The following CAMKMT variants were observed in gnomAD, a reference collection of about 807,000 sequenced individuals.
The protein encoded by CAMKMT is calmodulin-lysine N-methyltransferase.
In CAMKMT, 53 loss-of-function variants were observed where a neutral mutation model predicts 48.0. The observed-to-expected ratio is 1.10, with a 90% CI of 0.89 to 1.39. The LOEUF (loss-of-function observed/expected upper bound fraction) is 1.39. CAMKMT is among the 40% of genes most tolerant of loss of function. The probability of loss-of-function intolerance (pLI) is 0.00; values close to 1 mark genes in which losing one functional copy is unlikely to be tolerated. For missense variants in CAMKMT, 428 were observed against 402.7 expected (o/e 1.06, Z -0.54); for synonymous variants, 165 against 152.3 (o/e 1.08, Z -0.61).
At chr2:44,418,834 AT>A (rs1355867729) in intron 3 of CAMKMT, among the ~76,000 whole-genome samples, 2 of 152,210 alleles carry the variant, frequency 1.3e-5, no homozygotes, top group Admixed American at 6.5e-5. Flanking sequence ...TTTGGGGAGA[AT>A]TGACATTTTA....
chr2:44,477,907 C>T (rs1261360804), intron 3 of CAMKMT, among the ~76,000 whole-genome samples: 1 of 152,196 alleles, frequency 6.6e-6, no homozygotes, highest in African/African-American at 2.4e-5. Context: ...AAAGCTACTT[C>T]ACACAAAGGG....
At chr2:44,664,559 A>G (rs72794003) in intron 3 of CAMKMT, among the ~76,000 whole-genome samples, 21,279 of 152,280 alleles carry the variant, frequency 0.14, 1,741 homozygotes, top group Admixed American at 0.21. Flanking sequence ...GACATTTACT[A>G]GCACTTTCTG....
chr2:44,745,482 C>T (rs1679878675), intron 8 of CAMKMT, among the ~76,000 whole-genome samples: 1 of 152,174 alleles, frequency 6.6e-6, no homozygotes, highest in Non-Finnish European at 1.5e-5. Flanking sequence ...ATACATAATG[C>T]ATATTCAATT....
intron 3 of CAMKMT, among the ~76,000 whole-genome samples, chr2:44,537,964 A>G (rs1666873053): frequency 6.6e-6 from 1 of 152,226 alleles, no homozygotes; most frequent in Admixed American, 6.5e-5. Flanking sequence ...TATCTACCCA[A>G]CGGAAAAGAA....
chr2:44,456,506 A>T, intron 3 of CAMKMT: 1 of 1,533,130 alleles, frequency 6.5e-7, no homozygotes, highest in Non-Finnish European at 8.8e-7. Context: ...AGACCTTGGA[A>T]TGAAAAGCTT....
intron 6 of CAMKMT, among the ~76,000 whole-genome samples, chr2:44,708,628 T>C (rs556179870): frequency 3.5e-4 from 53 of 152,276 alleles, no homozygotes; most frequent in Non-Finnish European, 6.3e-4. Flanking sequence ...AATCACGTTC[T>C]TGAGACTGTC....
At chr2:44,421,042 G>A (rs1683904968) in intron 3 of CAMKMT, among the ~76,000 whole-genome samples, 1 of 152,006 alleles carries the variant, frequency 6.6e-6, no homozygotes, top group Non-Finnish European at 1.5e-5. Context: ...ATTTGTTAGG[G>A]TAGCAATGGT....
chr2:44,594,266 C>G (rs1221361112), intron 3 of CAMKMT, among the ~76,000 whole-genome samples: 1 of 152,138 alleles, frequency 6.6e-6, no homozygotes, highest in African/African-American at 2.4e-5. Context: ...AATGCTATCC[C>G]CATCAAGCTA....
Position 44,679,547 on chromosome 2 carries a change from G to A in CAMKMT, c.377-24736G>A, listed in dbSNP as rs1285791624. 2.0e-5 allele frequency among the ~76,000 whole-genome samples: 3 copies of A among 152,218 alleles called. No homozygotes were observed. In the South Asian group the frequency reaches 6.2e-4, roughly 32 times the overall value. On this transcript the variant is annotated intron_variant, in intron 3 of 10. Transcript: ENST00000378494. ...ACGAGGGGAAAGAAATGCCATTAAT[G>A]TTATACCCTTGGCACGGAAGTTCCT...
chr2:44,515,965 G>A (rs982583587), intron 3 of CAMKMT, among the ~76,000 whole-genome samples: 29 of 152,260 alleles, frequency 1.9e-4, no homozygotes, highest in African/African-American at 5.5e-4. Flanking sequence ...TGAGAGTCAC[G>A]GAGAAGCAAT....
chr2:44,666,612 C>CTTTTTTTTTTTTTTT lies in CAMKMT; in HGVS notation c.377-37668_377-37654dup, dbSNP rs1293884982. ...TTGATCTCCTTTTGGCTCCTGGAAT[C>CTTTTTTTTTTTTTTT]TTTTTTTTTTTTTTTTTGAGACAGA... On this transcript the variant is annotated intron_variant, in intron 3 of 10. Coordinates refer to ENST00000378494, the MANE Select transcript of CAMKMT (RefSeq NM_024766.5). Among the ~76,000 whole-genome samples, 373 of 133,890 alleles carry CTTTTTTTTTTTTTTT rather than the reference C, an allele frequency of 2.8e-3. 19 individuals are homozygous for CTTTTTTTTTTTTTTT. The highest frequency in any genetic ancestry group is 0.01 in the African/African-American group (351 of 34,070). The allele number at this position is 133,890 out of a possible 152,430, so 87.8% of individuals were successfully genotyped here. A position where few individuals can be genotyped will look rare whatever the true frequency, so the allele number is the denominator to read the frequency against.
intron 3 of CAMKMT, among the ~76,000 whole-genome samples, chr2:44,397,058 C>CAAAA (rs59188592): frequency 8.3e-6 from 1 of 120,430 alleles, no homozygotes; most frequent in Non-Finnish European, 1.7e-5. Flanking sequence ...GACTCCATCT[C>CAAAA]AAAAAAAAAA....
chr2:44,580,519 CT>C (rs1390772030), intron 3 of CAMKMT, among the ~76,000 whole-genome samples: 1 of 152,078 alleles, frequency 6.6e-6, no homozygotes, highest in African/African-American at 2.4e-5. Context: ...TATTGCATGA[CT>C]TTTGTAAGAT....
chr2:44,697,908 A>G (rs971326149), intron 3 of CAMKMT, among the ~76,000 whole-genome samples: 1 of 152,184 alleles, frequency 6.6e-6, no homozygotes, highest in African/African-American at 2.4e-5. Context: ...AGTTAGCTAA[A>G]AGAGTTGAAA....
chr2:44,532,657 T>C (rs1666550016), intron 3 of CAMKMT, among the ~76,000 whole-genome samples: 1 of 152,122 alleles, frequency 6.6e-6, no homozygotes, highest in Admixed American at 6.5e-5. Context: ...AGGGGGCAAA[T>C]TTATTTTTAT....
chr2:44,661,236 A>G (rs989132007), intron 3 of CAMKMT, among the ~76,000 whole-genome samples: 1 of 152,160 alleles, frequency 6.6e-6, no homozygotes. Flanking sequence ...GTTAGTACAG[A>G]AGAATAACAC....
intron 3 of CAMKMT, among the ~76,000 whole-genome samples, chr2:44,541,991 G>A (rs1237933270): frequency 6.6e-6 from 1 of 151,930 alleles, no homozygotes; most frequent in African/African-American, 2.4e-5. Context: ...AACCGGGCAT[G>A]GTGGCACGCG....
At chr2:44,366,914 G>A (rs982652375) in intron 1 of CAMKMT, among the ~76,000 whole-genome samples, 1 of 151,998 alleles carries the variant, frequency 6.6e-6, no homozygotes, top group Admixed American at 6.6e-5. Context: ...TGGCAGGGAT[G>A]GGGTTTTGCC....
intron 3 of CAMKMT, among the ~76,000 whole-genome samples, chr2:44,613,963 G>T (rs1671732032): frequency 6.6e-6 from 1 of 152,048 alleles, no homozygotes; most frequent in South Asian, 2.1e-4. Context: ...TTAATTAAAG[G>T]CAGAAATCAT....
Sources: allele counts gnomAD v4.1 joint callset (sites outside exome capture counted in the v4.1 genomes callset), GRCh38; gene constraint gnomAD v4.1.1; transcripts MANE v1.5; gene names NCBI Gene and HGNC (gene_info 2026-07-23, HGNC 2026-07-21).